ACSM6: variants seen among roughly 807,000 people sequenced by gnomAD.
The protein encoded by ACSM6 is acyl-CoA synthetase medium chain family member 6.
ACSM6 carries 35 observed loss-of-function variants against 51.1 expected under a neutral mutation model. The observed-to-expected ratio is 0.69, with a 90% CI of 0.52 to 0.91. The LOEUF (loss-of-function observed/expected upper bound fraction) is 0.91, where lower values mean the gene tolerates loss of function less well. Among genes scored for constraint, ACSM6 ranks in the 40% least tolerant of loss-of-function variants. The pLI, the probability that ACSM6 is intolerant of heterozygous loss-of-function variation, is 0.00. For synonymous variants in ACSM6, 172 were observed against 207.3 expected (o/e 0.83, Z 1.46); for missense variants, 509 against 584.1 (o/e 0.87, Z 1.32).
At chr10:95,220,100 A>G in intron 9 of ACSM6, 129 bp downstream of exon 9, 1 of 697,242 alleles carries the variant, frequency 1.4e-6, no homozygotes, top group Admixed American at 2.6e-5. Flanking sequence ...CCCAAGGATA[A>G]TCTCACATTA....
chr10:95,221,644 G>A (rs2034996464), intron 9 of ACSM6, among the ~76,000 whole-genome samples: 1 of 151,926 alleles, frequency 6.6e-6, no homozygotes. Flanking sequence ...TAGAAAAAAT[G>A]GATAAAGTCC....
At chr10:95,206,558 T>C (rs2034840529) in intron 3 of ACSM6, among the ~76,000 whole-genome samples, 1 of 152,076 alleles carries the variant, frequency 6.6e-6, no homozygotes, top group African/African-American at 2.4e-5. Flanking sequence ...CAAAAATCAA[T>C]AGGTCTGTAG....
At chr10:95,219,831 A>G in intron 8 of ACSM6, 60 bp from the exon 9 acceptor site, 1 of 1,261,212 alleles carries the variant, frequency 7.9e-7, no homozygotes, top group Non-Finnish European at 1.2e-6. Flanking sequence ...ATGATCAATA[A>G]CTAGATCCAT....
chr10:95,197,658 G>A (rs1024182220), intron 2 of ACSM6, among the ~76,000 whole-genome samples: 1 of 152,030 alleles, frequency 6.6e-6, no homozygotes, highest in Non-Finnish European at 1.5e-5. Context: ...ATGTACAATC[G>A]GGTTTTATAC....
chr10:95,218,475 C>A (rs764661940), intron 8 of ACSM6, among the ~76,000 whole-genome samples: 1 of 152,194 alleles, frequency 6.6e-6, no homozygotes, highest in African/African-American at 2.4e-5. Flanking sequence ...AACATCAGCT[C>A]TCTCTTTCTC....
chr10:95,210,876 AGGAG>A, intron 5 of ACSM6, 83 bp downstream of exon 5: 1 of 1,467,560 alleles, frequency 6.8e-7, no homozygotes, highest in Non-Finnish European at 9.1e-7. Flanking sequence ...AAGCTAAGAA[AGGAG>A]TTTCTTACTC....
chr10:95,218,829 T>A (rs981161235), intron 8 of ACSM6, among the ~76,000 whole-genome samples: 3 of 152,198 alleles, frequency 2.0e-5, no homozygotes, highest in African/African-American at 7.2e-5. Context: ...GTTACTGCGG[T>A]ACACTAGAGA....
exon 6 of ACSM6, chr10:95,212,027 T>C (rs1212065125): frequency 1.2e-6 from 2 of 1,614,034 alleles, no homozygotes; most frequent in South Asian, 2.2e-5. Context: ...CCTGAGACTG[T>C]TCTAAATGTA....
At chr10:95,213,851 A>G (rs1038537065) in intron 7 of ACSM6, among the ~76,000 whole-genome samples, 4 of 152,224 alleles carry the variant, frequency 2.6e-5, no homozygotes, top group Non-Finnish European at 5.9e-5. Context: ...ACTCTACAGA[A>G]GGAAACAACC....
chr10:95,210,853 C>T, intron 5 of ACSM6, 60 bp downstream of exon 5: 1 of 1,537,968 alleles, frequency 6.5e-7, no homozygotes, highest in Non-Finnish European at 8.8e-7. Flanking sequence ...GTAAAGGGAG[C>T]TTCATGGGAC....
At chr10:95,228,777 G>A in exon 11 of ACSM6, 1 of 1,551,232 alleles carries the variant, frequency 6.4e-7, no homozygotes, top group Non-Finnish European at 8.7e-7. Flanking sequence ...TTGGGTCAGA[G>A]ATTGTGAATG....
At chr10:95,211,902 A>G in exon 6 of ACSM6, 1 of 1,610,640 alleles carries the variant, frequency 6.2e-7, no homozygotes. Context: ...TCCAGCCAAC[A>G]GATGTCTTGT....
chr10:95,210,526 C>A, intron 4 of ACSM6, 124 bp from the exon 5 acceptor site: 1 of 1,063,724 alleles, frequency 9.4e-7, no homozygotes, highest in Non-Finnish European at 1.3e-6. Flanking sequence ...AACAAATAAT[C>A]CTCAAATATA....
At position 95,208,699 on chromosome 10, in the gene ACSM6, TTTG is replaced by T. The variant is rs151132182; in HGVS notation, c.611+1287_611+1289del. ...TACAGTACATTGTTATATTCTATTA[TTTG>T]TTTTTGTTTTTAATCTCTTACTATA... is the stretch of plus-strand genomic sequence containing the variant. On this transcript the variant is annotated intron_variant, in intron 4 of 10. Coordinates refer to ENST00000341686, the Ensembl canonical transcript of ACSM6. Among the ~76,000 whole-genome samples, 1,225 of 152,196 alleles carry T rather than the reference TTTG, an allele frequency of 8.0e-3. 22 individuals carry two copies. The highest frequency in any genetic ancestry group is 0.028 in the African/African-American group (1,172 of 41,532).
chr10:95,210,549 C>A, intron 4 of ACSM6, 101 bp from the exon 5 acceptor site: 1 of 1,206,404 alleles, frequency 8.3e-7, no homozygotes, highest in Non-Finnish European at 1.1e-6. Context: ...AAGATACCAG[C>A]TGTTATTTTT....
At chr10:95,202,794 G>T (rs1450358969) in intron 3 of ACSM6, among the ~76,000 whole-genome samples, 1 of 151,888 alleles carries the variant, frequency 6.6e-6, no homozygotes, top group East Asian at 1.9e-4. Flanking sequence ...AAAAAAATTA[G>T]CTGCATGTGG....
chr10:95,223,295 T>C (rs1328891255), intron 9 of ACSM6, among the ~76,000 whole-genome samples: 3 of 151,796 alleles, frequency 2.0e-5, no homozygotes, highest in Admixed American at 6.6e-5. Flanking sequence ...CAAAAACATA[T>C]AACACCAGGA....
In ACSM6 at chr10:95,212,451, T is replaced by C. The variant is rs528593528; in HGVS notation, c.913-407T>C. ...GAATCACAGAGGCAGAACTAGGAAT[T>C]AAACTGTGGTCTACTGAACTCCACA... On this transcript the variant is annotated intron_variant, in intron 6 of 10. Transcript: ENST00000341686. Among the ~76,000 whole-genome samples the C allele has an allele frequency of 3.3e-4, 51 of 152,266 alleles. No homozygotes were observed. In the South Asian group the frequency reaches 5.2e-3, roughly 15 times the overall value.
At chr10:95,209,578 C>T (rs994423858) in intron 4 of ACSM6, among the ~76,000 whole-genome samples, 4 of 151,676 alleles carry the variant, frequency 2.6e-5, no homozygotes, top group Non-Finnish European at 5.9e-5. Flanking sequence ...GGAGACAGGA[C>T]CGAAAACAAG....
Sources: allele counts gnomAD v4.1 joint callset (sites outside exome capture counted in the v4.1 genomes callset), GRCh38; gene constraint gnomAD v4.1.1; transcripts MANE v1.5; gene names NCBI Gene and HGNC (gene_info 2026-07-23, HGNC 2026-07-21).